Variants in RGS9BP observed in about 807,000 individuals in gnomAD.
The protein encoded by RGS9BP is regulator of G protein signaling 9 binding protein, also known as regulator of G protein signaling 9-binding protein.
Under a neutral mutation model 3.8 loss-of-function variants are expected in RGS9BP, and 1 was observed. That is an observed-to-expected ratio of 0.26 (90% CI 0.09 to 1.24). RGS9BP has a LOEUF of 1.24. RGS9BP is among the 50% of genes most tolerant of loss of function. The pLI is 0.48. For synonymous variants in RGS9BP, 200 were observed against 177.8 expected (o/e 1.13, Z -1.00); for missense variants, 363 against 344.3 (o/e 1.05, Z -0.43).
At position 32,676,154 on chromosome 19, in the gene RGS9BP, A is replaced by T; in HGVS notation, c.-110A>T. ...GCCGAGCGAGTCACGGACCATGAAG[A>T]GCGTTCGTGCCGCGCGGCCCAAGGC... is the stretch of plus-strand genomic sequence containing the variant. On this transcript the variant is annotated 5_prime_UTR_variant, in exon 1 of 1. Coordinates refer to ENST00000334176, the MANE Select transcript of RGS9BP (RefSeq NM_207391.3). 1.5e-6 allele frequency: 1 copy of T among 685,934 alleles called. No homozygotes were observed. Among genetic ancestry groups the T allele is most frequent in the Non-Finnish European group, 2.3e-6 (1 of 426,698 alleles). 42.5% of individuals were successfully genotyped at this position (685,934 alleles called of 1,614,324 possible). A position where few individuals can be genotyped will look rare whatever the true frequency, so the allele number is the denominator to read the frequency against.
At position 32,676,374 on chromosome 19, in the gene RGS9BP, G is replaced by T. The variant is rs185144029; in HGVS notation, c.111G>T (p.Arg37=). ...VGGSADSQNL[R]QELQKTRQKA... ...GCTCGGCGGACTCGCAGAACCTGCGGCAGGAGCTGCAAAAGACGCGCCAGA... is the reference window on the plus strand; with the variant it reads ...GCTCGGCGGACTCGCAGAACCTGCGTCAGGAGCTGCAAAAGACGCGCCAGA... The change falls in exon 1 of 1, where the codon CGG becomes CGT. Residue 37 remains arginine (R), a synonymous_variant. Transcript: ENST00000334176. 2 of 1,611,124 alleles carry T rather than the reference G, an allele frequency of 1.2e-6. No individual in the cohort carries two copies. The highest frequency in any genetic ancestry group is 8.5e-7 in the Non-Finnish European group (1 of 1,179,404).
rs1327693328 is a variant in RGS9BP at position 32,676,072 on chromosome 19, G to A, written c.-192G>A. Reference sequence around the variant, plus strand: ...TAACGGGGCTCCCTCTGCGCGCCCCGTCCGCAGAGGCGCACGTCGAGGGTC... The same window carrying A: ...TAACGGGGCTCCCTCTGCGCGCCCCATCCGCAGAGGCGCACGTCGAGGGTC... On this transcript the variant is annotated 5_prime_UTR_variant, in exon 1 of 1. Transcript: ENST00000334176. 4 of 535,650 alleles carry A rather than the reference G, an allele frequency of 7.5e-6. No homozygotes were observed. The highest frequency in any genetic ancestry group is 1.3e-5 in the Non-Finnish European group (4 of 306,412). 33.2% of individuals were successfully genotyped at this position (535,650 alleles called of 1,614,324 possible).
Position 32,676,355 on chromosome 19 carries a change from CGGACTCGCA to C in RGS9BP, c.94_102del (p.Asp32_Gln34del), listed in dbSNP as rs752779257. The C allele has an allele frequency of 1.2e-5, 19 of 1,611,382 alleles. No homozygotes were observed. The South Asian group carries it at 2.1e-4, about 18-fold the overall frequency. Reference sequence around the variant, plus strand: ...CTGGTGCTGACCGTCGGTGGCTCGGCGGACTCGCAGAACCTGCGGCAGGAGCTGCAAAAG... The same window carrying C: ...CTGGTGCTGACCGTCGGTGGCTCGGCGAACCTGCGGCAGGAGCTGCAAAAG... On this transcript the variant is annotated inframe_deletion, in exon 1 of 1. Coordinates refer to ENST00000334176, the MANE Select transcript of RGS9BP (RefSeq NM_207391.3).
chr19:32,677,282 G>C lies in RGS9BP; in HGVS notation c.*311G>C. ...TAATGAGTTAACACATGTGCTGTTG[G>C]GGCGTCTTTACAGGGAGTCCGAGTT... On this transcript the variant is annotated 3_prime_UTR_variant, in exon 1 of 1. Coordinates refer to ENST00000334176, the MANE Select transcript of RGS9BP (RefSeq NM_207391.3). 2 of 373,118 alleles carry C rather than the reference G, an allele frequency of 5.4e-6. No individual in the cohort carries two copies. The highest frequency in any genetic ancestry group is 5.2e-6 in the Non-Finnish European group (1 of 193,458). 23.1% of individuals were successfully genotyped at this position (373,118 alleles called of 1,614,324 possible).
In RGS9BP at chr19:32,677,052, A is replaced by C; in HGVS notation, c.*81A>C. The stretch of plus-strand genomic sequence containing the variant: ...GATGGGTGTGGGGTCTGGCCTGTGC[A>C]AGGGGAGTGGTCCTAAAACCCCGTG... On this transcript the variant is annotated 3_prime_UTR_variant, in exon 1 of 1. Transcript: ENST00000334176. 7.9e-7 allele frequency: 1 copy of C among 1,269,566 alleles called. No individual in the cohort carries two copies. The highest frequency in any genetic ancestry group is 1.1e-6 in the Non-Finnish European group (1 of 889,942). 78.6% of individuals were successfully genotyped at this position (1,269,566 alleles called of 1,614,324 possible).
Position 32,676,614 on chromosome 19 carries a change from G to C in RGS9BP, c.351G>C (p.Val117=). 1 of 1,527,340 alleles carries C rather than the reference G, an allele frequency of 6.5e-7. No individual in the cohort carries two copies. The highest frequency in any genetic ancestry group is 8.8e-7 in the Non-Finnish European group (1 of 1,142,812). The allele number at this position is 1,527,340 out of a possible 1,614,324, so 94.6% of individuals were successfully genotyped here. A position where few individuals can be genotyped will look rare whatever the true frequency, so the allele number is the denominator to read the frequency against. The change falls in exon 1 of 1, where the codon GTG becomes GTC. Residue 117 remains valine, a synonymous_variant. Coordinates refer to ENST00000334176, the MANE Select transcript of RGS9BP (RefSeq NM_207391.3). The part of the protein sequence containing the change: ...APRRPLVRTG[V]AGASSGVAAR... ...GGCGGCCGCTGGTGCGCACAGGTGT[G>C]GCTGGCGCCTCCTCCGGCGTGGCGG...
chr19:32,676,827 G>A lies in RGS9BP; in HGVS notation c.564G>A (p.Thr188=). Reference sequence around the variant, plus strand: ...CGGCGGGCGCCGAGCTCCTGTCCACGGTCAGCGCCGGCCCCTCCTCGGTCG... The same window carrying A: ...CGGCGGGCGCCGAGCTCCTGTCCACAGTCAGCGCCGGCCCCTCCTCGGTCG... ...RQAAGAELLS[T]VSAGPSSVVS... The change falls in exon 1 of 1, where the codon ACG becomes ACA. Residue 188 remains threonine, a synonymous_variant. Transcript: ENST00000334176. 1 of 1,585,046 alleles carries A rather than the reference G, an allele frequency of 6.3e-7. No individual in the cohort carries two copies. The highest frequency in any genetic ancestry group is 8.5e-7 in the Non-Finnish European group (1 of 1,173,240).
Position 32,676,655 on chromosome 19 carries a change from C to A in RGS9BP, c.392C>A (p.Thr131Asn). 6.5e-7 allele frequency: 1 copy of A among 1,533,898 alleles called. No individual in the cohort carries two copies. Among genetic ancestry groups the A allele is most frequent in the East Asian group, 2.4e-5 (1 of 40,828 alleles). Residue 131 changes from threonine to asparagine, a missense_variant, in exon 1 of 1, where the codon ACC becomes AAC. Transcript: ENST00000334176. ...GGCGTGGCGGCGCGCGCGCTGAGCA[C>A]CCGCAGCCTGCGGCTCGAGGCGGAG... ...SSGVAARALS[T>N]RSLRLEAEGD...
At position 32,677,186 on chromosome 19, in the gene RGS9BP, C is replaced by G. The variant is rs1968026783; in HGVS notation, c.*215C>G. ...TTTGCGCCGGCCGTCAGGGCATTACCGCTAACGTCTGCAGGAGCTTTATTC... is the reference window on the plus strand; with the variant it reads ...TTTGCGCCGGCCGTCAGGGCATTACGGCTAACGTCTGCAGGAGCTTTATTC... On this transcript the variant is annotated 3_prime_UTR_variant, in exon 1 of 1. Transcript: ENST00000334176. 10 of 612,820 alleles carry G rather than the reference C, an allele frequency of 1.6e-5. No individual in the cohort carries two copies. The highest frequency in any genetic ancestry group is 1.9e-5 in the South Asian group (1 of 51,962). The allele number at this position is 612,820 out of a possible 1,614,324, so 38.0% of individuals were successfully genotyped here.
rs772275521 is a variant in RGS9BP, at chr19:32,676,874, G to T, written c.611G>T (p.Gly204Val). 6.9e-6 allele frequency: 11 copies of T among 1,595,144 alleles called. No individual in the cohort carries two copies. The highest frequency in any genetic ancestry group is 3.4e-5 in the Admixed American group (2 of 59,178). The change falls in exon 1 of 1, where the codon GGG (glycine) becomes GTG (valine). Residue 204 changes from glycine (G) to valine (V), a missense_variant. Physicochemically the swap from Gly to Val is moderately radical, Grantham distance 109 (BLOSUM62 -3). Transcript: ENST00000334176. ...SSVVSLQERG[G>V]GCDPRKALAA... ...GTCGTGTCCTTGCAGGAGCGCGGGGGGGGTTGCGACCCCAGGAAGGCCCTG... is the reference window on the plus strand; with the variant it reads ...GTCGTGTCCTTGCAGGAGCGCGGGGTGGGTTGCGACCCCAGGAAGGCCCTG...
Position 32,676,695 on chromosome 19 carries a change from C to A in RGS9BP, c.432C>A (p.Val144=). Reference sequence around the variant, plus strand: ...TCGAGGCGGAGGGCGACTTCGACGTCGCGGACCTGCGGGAGCTGGAGCGCG... The same window carrying A: ...TCGAGGCGGAGGGCGACTTCGACGTAGCGGACCTGCGGGAGCTGGAGCGCG... ...LRLEAEGDFD[V]ADLRELEREV... Residue 144 remains valine, a synonymous_variant, in exon 1 of 1, where the codon GTC becomes GTA. Transcript: ENST00000334176. 1 of 1,537,354 alleles carries A rather than the reference C, an allele frequency of 6.5e-7. No homozygotes were observed. The highest frequency in any genetic ancestry group is 1.2e-5 in the South Asian group (1 of 84,400).
chr19:32,676,826 C>A lies in RGS9BP; in HGVS notation c.563C>A (p.Thr188Lys). 6.3e-7 allele frequency: 1 copy of A among 1,584,414 alleles called. No homozygotes were observed. The highest frequency in any genetic ancestry group is 1.7e-5 in the Admixed American group (1 of 57,262). The change falls in exon 1 of 1, where the codon ACG becomes AAG. Residue 188 changes from threonine (T) to lysine (K), a missense_variant. Transcript: ENST00000334176. ...GCGGCGGGCGCCGAGCTCCTGTCCA[C>A]GGTCAGCGCCGGCCCCTCCTCGGTC... ...RQAAGAELLSTVSAGPSSVVS... is the reference protein window; with the variant it reads ...RQAAGAELLSKVSAGPSSVVS...
In RGS9BP at chr19:32,676,427, G is replaced by C. The variant is rs752011214; in HGVS notation, c.164G>C (p.Cys55Ser). 6.3e-6 allele frequency: 10 copies of C among 1,596,546 alleles called. No individual in the cohort carries two copies. Among genetic ancestry groups the C allele is most frequent in the Non-Finnish European group, 8.5e-6 (10 of 1,175,602 alleles). Residue 55 changes from cysteine (C) to serine (S), a missense_variant, in exon 1 of 1, where the codon TGC (cysteine) becomes TCC (serine). Cys to Ser is a moderately radical substitution (Grantham distance 112). Coordinates refer to ENST00000334176, the MANE Select transcript of RGS9BP (RefSeq NM_207391.3). Reference protein sequence around the residue: ...QKAQELAVSTCARLTAVLRDR... With the variant: ...QKAQELAVSTSARLTAVLRDR... ...GCGCAGGAGCTGGCGGTGTCCACCT[G>C]CGCCCGGCTGACTGCTGTGCTGCGC...
rs1438724494 is a variant in RGS9BP at position 32,676,378 on chromosome 19, G to A, written c.115G>A (p.Glu39Lys). 6.2e-7 allele frequency: 1 copy of A among 1,611,154 alleles called. No individual in the cohort carries two copies. Among genetic ancestry groups the A allele is most frequent in the Non-Finnish European group, 8.5e-7 (1 of 1,179,436 alleles). ...GGCGGACTCGCAGAACCTGCGGCAG[G>A]AGCTGCAAAAGACGCGCCAGAAGGC... ...GSADSQNLRQ[E>K]LQKTRQKAQE... The change falls in exon 1 of 1, where the codon GAG becomes AAG. Residue 39 changes from glutamate to lysine, a missense_variant. By Grantham distance (56) the Glu-to-Lys change is moderately conservative. Transcript: ENST00000334176.
chr19:32,676,726 C>T lies in RGS9BP; in HGVS notation c.463C>T (p.Leu155Phe), dbSNP rs566365337. 1.3e-6 allele frequency: 2 copies of T among 1,553,586 alleles called. No homozygotes were observed. The highest frequency in any genetic ancestry group is 1.7e-6 in the Non-Finnish European group (2 of 1,156,382). The part of the protein sequence containing the change: ...ADLRELEREV[L>F]QVGEMIDNME... ...CCTGCGGGAGCTGGAGCGCGAGGTC[C>T]TTCAGGTGGGCGAGATGATCGACAA... The change falls in exon 1 of 1, where the codon CTT becomes TTT. Residue 155 changes from leucine to phenylalanine, a missense_variant. Transcript: ENST00000334176.
rs898186233 is a variant in RGS9BP, at chr19:32,677,792, A to C, written c.*821A>C. On this transcript the variant is annotated 3_prime_UTR_variant, in exon 1 of 1. Transcript: ENST00000334176. ...CTTGGGGTAGGGCCACCTGGTGTTTAAACAGGCACTTTCTCCTTCTCTGGG... is the reference window on the plus strand; with the variant it reads ...CTTGGGGTAGGGCCACCTGGTGTTTCAACAGGCACTTTCTCCTTCTCTGGG... 6.0e-6 allele frequency: 1 copy of C among 167,162 alleles called. No individual in the cohort carries two copies. Among genetic ancestry groups the C allele is most frequent in the African/African-American group, 2.4e-5 (1 of 41,466 alleles). The allele number at this position is 167,162 out of a possible 1,614,324, so 10.4% of individuals were successfully genotyped here.
In RGS9BP at chr19:32,676,247, A is replaced by T. The variant is rs748641901; in HGVS notation, c.-17A>T. On this transcript the variant is annotated 5_prime_UTR_variant, in exon 1 of 1. Coordinates refer to ENST00000334176, the MANE Select transcript of RGS9BP (RefSeq NM_207391.3). ...CTAACGGGCGCGGGCGGCCGGGCCCAGCCGGAGCCCACCGCGATGGCGAGG... is the reference window on the plus strand; with the variant it reads ...CTAACGGGCGCGGGCGGCCGGGCCCTGCCGGAGCCCACCGCGATGGCGAGG... 15 of 1,563,306 alleles carry T rather than the reference A, an allele frequency of 9.6e-6. No homozygotes were observed. Among genetic ancestry groups the T allele is most frequent in the Middle Eastern group, 1.8e-4 (1 of 5,630 alleles).
Position 32,676,326 on chromosome 19 carries a change from C to G in RGS9BP, c.63C>G (p.His21Gln). The change falls in exon 1 of 1, where the codon CAC (histidine) becomes CAG (glutamine). Residue 21 changes from histidine to glutamine, a missense_variant. His to Gln is a conservative substitution (Grantham distance 24). Transcript: ENST00000334176. ...DGLNKTTACY[H>Q]HLVLTVGGSA... ...TCAACAAGACGACTGCGTGCTACCA[C>G]CACCTGGTGCTGACCGTCGGTGGCT... is the stretch of plus-strand genomic sequence containing the variant. 1 of 1,610,650 alleles carries G rather than the reference C, an allele frequency of 6.2e-7. No homozygotes were observed. Among genetic ancestry groups the G allele is most frequent in the Non-Finnish European group, 8.5e-7 (1 of 1,178,718 alleles).
chr19:32,676,246 C>G lies in RGS9BP; in HGVS notation c.-18C>G. Reference sequence around the variant, plus strand: ...GCTAACGGGCGCGGGCGGCCGGGCCCAGCCGGAGCCCACCGCGATGGCGAG... The same window carrying G: ...GCTAACGGGCGCGGGCGGCCGGGCCGAGCCGGAGCCCACCGCGATGGCGAG... On this transcript the variant is annotated 5_prime_UTR_variant, in exon 1 of 1. Coordinates refer to ENST00000334176, the MANE Select transcript of RGS9BP (RefSeq NM_207391.3). 3 of 1,562,406 alleles carry G rather than the reference C, an allele frequency of 1.9e-6. No homozygotes were observed. The highest frequency in any genetic ancestry group is 2.6e-6 in the Non-Finnish European group (3 of 1,149,140).
Sources: gnomAD v4.1 joint callset for allele counts on GRCh38, gnomAD v4.1.1 for gene constraint, MANE v1.5 for transcripts, NCBI Gene and HGNC (gene_info 2026-07-23, HGNC 2026-07-21) for gene names.